FXR2: variants seen among roughly 807,000 people sequenced by gnomAD.
The protein encoded by FXR2 is RNA-binding protein FXR2.
In FXR2, 9 loss-of-function variants were observed where a neutral mutation model predicts 87.3. That is an observed-to-expected ratio of 0.10 (90% CI 0.06 to 0.18). The LOEUF (loss-of-function observed/expected upper bound fraction) is 0.18. Among genes scored for constraint, FXR2 ranks in the 10% least tolerant of loss-of-function variants. The pLI is 1.00. For synonymous variants in FXR2, 331 were observed against 328.3 expected (o/e 1.01, Z -0.09); for missense variants, 661 against 893.6 (o/e 0.74, Z 3.32).
Position 7,613,803 on chromosome 17 carries a change from G to A in FXR2, c.81+649C>T, listed in dbSNP as rs944542044. 8.7e-6 allele frequency: 3 copies of A among 346,320 alleles called. No homozygotes were observed. The East Asian group carries it at 2.2e-4, about 26-fold the overall frequency. 21.5% of individuals were successfully genotyped at this position (346,320 alleles called of 1,614,324 possible). ...CAGTGGGTCTTGAGATCAAGGTGTGGTGGGGAGAGAGACTTGCGAAAGATG... is the reference window on the plus strand; with the variant it reads ...CAGTGGGTCTTGAGATCAAGGTGTGATGGGGAGAGAGACTTGCGAAAGATG... On this transcript the variant is annotated intron_variant, in intron 1 of 16. Coordinates refer to ENST00000250113, the MANE Select transcript of FXR2 (RefSeq NM_004860.4).
At chr17:7,613,819 G>A (rs2150950382) in intron 1 of FXR2, 7 of 347,210 alleles carry the variant, frequency 2.0e-5, no homozygotes, top group South Asian at 1.5e-4. Flanking sequence ...AGAGAGACTT[G>A]CGAAAGATGC....
chr17:7,610,042 A>ACATG (rs1567754133), intron 1 of FXR2, among the ~76,000 whole-genome samples: 5 of 81,280 alleles, frequency 6.2e-5, no homozygotes, highest in Admixed American at 3.9e-4. Flanking sequence ...ATGTATGTAT[A>ACATG]TATATACACA....
Position 7,592,775 on chromosome 17 carries a change from G to A in FXR2, c.1648C>T (p.Arg550Cys), listed in dbSNP as rs369525495. The A allele has an allele frequency of 5.6e-6, 9 of 1,613,470 alleles. No individual in the cohort carries two copies. Among genetic ancestry groups the A allele is most frequent in the Non-Finnish European group, 6.8e-6 (8 of 1,179,738 alleles). Residue 550 changes from arginine to cysteine, a missense_variant, in exon 14 of 17, where the codon CGC (arginine) becomes TGC (cysteine). Physicochemically the swap from Arg to Cys is radical, Grantham distance 180. This residue lies in a region of FXR2 where 409 missense variants were observed against 432.0 expected (regional missense o/e 0.95). Transcript: ENST00000250113. This position sits in a 1 kb window ranked among gnomAD's most constrained non-coding sequence, Gnocchi z 4.8. ...GTCCTGTCTTCATCAGTGCGGCGGC[G>A]GCGGGAGCGGCGGCGCCTGGCACTT... The part of the protein sequence containing the change: ...PASARRRRSR[R>C]RRTDEDRTVM...
chr17:7,614,560 G>A lies in FXR2; in HGVS notation c.-28C>T, dbSNP rs2071924874. ...CGCCGCCACCGCCTCCGACTCCCCC[G>A]GCGGCGGCTGCAGCAGCAGTCTGAG... On this transcript the variant is annotated 5_prime_UTR_variant, in exon 1 of 17. Transcript: ENST00000250113. 1.4e-6 allele frequency: 2 copies of A among 1,410,752 alleles called. No individual in the cohort carries two copies. Among genetic ancestry groups the A allele is most frequent in the East Asian group, 5.9e-5 (2 of 33,782 alleles). 87.4% of individuals were successfully genotyped at this position (1,410,752 alleles called of 1,614,324 possible).
chr17:7,594,057 G>A lies in FXR2; in HGVS notation c.1021-53C>T. 3.3e-6 allele frequency: 4 copies of A among 1,208,798 alleles called. No individual in the cohort carries two copies. The highest frequency in any genetic ancestry group is 4.9e-6 in the Non-Finnish European group (4 of 810,432). 74.9% of individuals were successfully genotyped at this position (1,208,798 alleles called of 1,614,324 possible). A position where few individuals can be genotyped will look rare whatever the true frequency, so the allele number is the denominator to read the frequency against. ...ATCAGAAAGGAAAATGAAATGGAAGGATTAACGCCGCCCAGTCTCCTAGGG... is the reference window on the plus strand; with the variant it reads ...ATCAGAAAGGAAAATGAAATGGAAGAATTAACGCCGCCCAGTCTCCTAGGG... On this transcript the variant is annotated intron_variant, in intron 10 of 16. Transcript: ENST00000250113. The surrounding 1 kb of genome is among the most constrained non-coding windows in gnomAD (Gnocchi z 5.1).
chr17:7,600,103 T>C (rs2071741836), intron 7 of FXR2, among the ~76,000 whole-genome samples: 1 of 150,916 alleles, frequency 6.6e-6, no homozygotes, highest in Non-Finnish European at 1.5e-5. Context: ...TCACCCATGT[T>C]GGCCAGGCTG....
intron 3 of FXR2, 77 bp from the exon 4 acceptor site, chr17:7,604,157 T>C (rs2150945226): frequency 9.0e-7 from 1 of 1,109,058 alleles, no homozygotes; most frequent in Non-Finnish European, 1.3e-6. Context: ...AGGCCGGGCA[T>C]GGTGGGGCTC....
chr17:7,612,990 C>G (rs1454795512), intron 1 of FXR2, among the ~76,000 whole-genome samples: 7 of 96,768 alleles, frequency 7.2e-5, no homozygotes, highest in African/African-American at 2.6e-4. Context: ...GGGCGAGACT[C>G]CATCTCAAAA....
At chr17:7,611,848 C>G (rs1436004949) in intron 1 of FXR2, among the ~76,000 whole-genome samples, 1 of 152,170 alleles carries the variant, frequency 6.6e-6, no homozygotes, top group Admixed American at 6.5e-5. Flanking sequence ...GGATAAGTAT[C>G]TGTAGGGTAC....
chr17:7,591,899 CT>C lies in FXR2; in HGVS notation c.1952del (p.Lys651ArgfsTer19). ...QKGDSVSKLP[K>X]GPSENGELSA... ...AGAGCTCCCCATTCTCCGAGGGGCC[CT>C]TAGGAAGCTTGCTGACAGAGTCACC... On this transcript the variant is annotated frameshift_variant, in exon 17 of 17. Transcript: ENST00000250113. LOFTEE classifies it high-confidence loss of function. This position sits in a 1 kb window ranked among gnomAD's most constrained non-coding sequence, Gnocchi z 4.0. 1.2e-6 allele frequency: 2 copies of C among 1,603,230 alleles called. No homozygotes were observed. The highest frequency in any genetic ancestry group is 8.5e-7 in the Non-Finnish European group (1 of 1,170,312).
chr17:7,596,145 G>A, intron 7 of FXR2, 151 bp from the exon 8 acceptor site: 1 of 631,782 alleles, frequency 1.6e-6, no homozygotes, highest in Non-Finnish European at 2.8e-6. Flanking sequence ...GGACCTGTGT[G>A]GAAAGGTCAG....
In FXR2 at chr17:7,603,939, G is replaced by A. The variant is rs1377750677; in HGVS notation, c.301-34C>T. On this transcript the variant is annotated intron_variant, in intron 4 of 16. Transcript: ENST00000250113. ...TGGTAAAAAAGGAGAAGTTGTGGAT[G>A]ACCTGAGCAACTTTCTATGAATAAC... The A allele has an allele frequency of 4.3e-6, 7 of 1,612,852 alleles. No individual in the cohort carries two copies. In the African/African-American group the frequency reaches 5.3e-5, roughly 12 times the overall value.
At chr17:7,613,160 G>A (rs568882907) in intron 1 of FXR2, among the ~76,000 whole-genome samples, 1 of 151,876 alleles carries the variant, frequency 6.6e-6, no homozygotes, top group Admixed American at 6.6e-5. Context: ...AGAAACTAGA[G>A]AGGACTACAG....
intron 3 of FXR2, 144 bp from the exon 4 acceptor site, chr17:7,604,224 G>A: frequency 1.5e-6 from 1 of 658,400 alleles, no homozygotes; most frequent in Non-Finnish European, 2.7e-6. Context: ...TTATGCCCAG[G>A]AGTTCAAGAC....
At position 7,609,931 on chromosome 17, in the gene FXR2, T is replaced by C. The variant is rs954096664; in HGVS notation, c.82-3782A>G. On this transcript the variant is annotated intron_variant, in intron 1 of 16. Coordinates refer to ENST00000250113, the MANE Select transcript of FXR2 (RefSeq NM_004860.4). ...ATATATGTATATATACATGTATATGTATATATATACATGTATATGTATACA... is the reference window on the plus strand; with the variant it reads ...ATATATGTATATATACATGTATATGCATATATATACATGTATATGTATACA... 4.6e-5 allele frequency among the ~76,000 whole-genome samples: 4 copies of C among 86,880 alleles called. No individual in the cohort carries two copies. The Admixed American group carries it at 5.3e-4, about 12-fold the overall frequency. 57.0% of individuals were successfully genotyped at this position (86,880 alleles called of 152,430 possible).
chr17:7,606,939 T>C (rs1266632574), intron 1 of FXR2, among the ~76,000 whole-genome samples: 1 of 152,188 alleles, frequency 6.6e-6, no homozygotes, highest in East Asian at 1.9e-4. Flanking sequence ...ATTTTTCACA[T>C]ACAATTAGGG....
intron 5 of FXR2, among the ~76,000 whole-genome samples, chr17:7,603,528 CA>C (rs35153607): frequency 0.31 from 32,538 of 106,634 alleles, 3,539 homozygotes; most frequent in South Asian, 0.44. Flanking sequence ...ACTCTGTCTC[CA>C]AAAAAAAAAA....
chr17:7,605,196 A>C (rs2071793368), intron 3 of FXR2, among the ~76,000 whole-genome samples: 1 of 150,740 alleles, frequency 6.6e-6, no homozygotes, highest in Non-Finnish European at 1.5e-5. Flanking sequence ...TGGTGAAACC[A>C]TGTCTTTACA....
chr17:7,613,233 T>C (rs1206333308), intron 1 of FXR2, among the ~76,000 whole-genome samples: 2 of 151,900 alleles, frequency 1.3e-5, no homozygotes, highest in Non-Finnish European at 2.9e-5. Context: ...TCTTAACAAG[T>C]GATGCCATGG....
Sources: gnomAD v4.1 joint callset for allele counts (sites outside exome capture counted in the v4.1 genomes callset) on GRCh38, gnomAD v4.1.1 for gene constraint, gnomAD v4.1.1 regional missense constraint, Gnocchi (gnomAD v3.1) non-coding constraint, MANE v1.5 for transcripts, NCBI Gene and HGNC (gene_info 2026-07-23, HGNC 2026-07-21) for gene names.